TRIO: variants seen among roughly 807,000 people sequenced by gnomAD.
TRIO encodes triple functional domain protein.
Under a neutral mutation model 351.9 loss-of-function variants are expected in TRIO, and 58 were observed. That is an observed-to-expected ratio of 0.16 (90% confidence interval 0.13 to 0.21). The LOEUF (loss-of-function observed/expected upper bound fraction) is 0.21, where lower values mean the gene tolerates loss of function less well. Among genes scored for constraint, TRIO ranks in the 10% least tolerant of loss-of-function variants. The pLI, the probability that TRIO is intolerant of heterozygous loss-of-function variation, is 1.00. For synonymous variants in TRIO, 1,758 were observed against 1,595.7 expected (o/e 1.10, Z -2.42); for missense variants, 3,201 against 4,027.8 (o/e 0.79, Z 5.56).
At chr5:14,284,340 T>C (rs1487672830) in intron 3 of TRIO, among the ~76,000 whole-genome samples, 1 of 152,188 alleles carries the variant, frequency 6.6e-6, no homozygotes, top group African/African-American at 2.4e-5. Context: ...GGCAGCTGTT[T>C]ATTAGGTGCT....
rs151049431 is a variant in TRIO at position 14,387,772 on chromosome 5, C to G, written c.3806C>G (p.Pro1269Arg). Residue 1269 changes from proline (P) to arginine (R), a missense_variant, in exon 23 of 57, where the codon CCT becomes CGT. Physicochemically the swap from Pro to Arg is moderately radical, Grantham distance 103. Transcript: ENST00000344204. ...CTAGATATCATTCCAGCCAGTATCC[C>G]TGGCTCAGAGGTGAAACTTCGAGAT... is the stretch of plus-strand genomic sequence containing the variant. ...LQLDIIPASI[P>R]GSEVKLRDAA... 1 of 1,614,116 alleles carries G rather than the reference C, an allele frequency of 6.2e-7. No individual in the cohort carries two copies. The highest frequency in any genetic ancestry group is 1.3e-5 in the African/African-American group (1 of 74,944).
intron 1 of TRIO, among the ~76,000 whole-genome samples, chr5:14,266,342 C>T (rs1264899447): frequency 1.3e-5 from 2 of 152,110 alleles, no homozygotes; most frequent in East Asian, 1.9e-4. Context: ...TCTTTCTACC[C>T]AGCCAACCCA....
At chr5:14,237,280 G>A (rs1253546606) in intron 1 of TRIO, among the ~76,000 whole-genome samples, 4 of 152,106 alleles carry the variant, frequency 2.6e-5, no homozygotes, top group Non-Finnish European at 4.4e-5. Context: ...GTGTCCTGTC[G>A]GCACTCAAAA....
Position 14,435,033 on chromosome 5 carries a change from G to T in TRIO, c.5203+15012G>T, listed in dbSNP as rs566588356. On this transcript the variant is annotated intron_variant, in intron 34 of 56. Transcript: ENST00000344204. ...TCCGTGCATCACGTCAGGGGTACAGGGTATCCTGAGACGTCTCCCTGTCGG... is the reference window on the plus strand; with the variant it reads ...TCCGTGCATCACGTCAGGGGTACAGTGTATCCTGAGACGTCTCCCTGTCGG... Among the ~76,000 whole-genome samples the T allele has an allele frequency of 2.0e-5, 3 of 152,332 alleles. No homozygotes were observed. In the East Asian group the frequency reaches 5.8e-4, roughly 29 times the overall value.
intron 34 of TRIO, among the ~76,000 whole-genome samples, chr5:14,459,035 A>G (rs10069329): frequency 1.3e-5 from 2 of 152,234 alleles, no homozygotes; most frequent in African/African-American, 4.8e-5. Context: ...ATCATTCTTT[A>G]ACAGATATCA....
At chr5:14,282,299 T>A (rs1307044372) in intron 3 of TRIO, among the ~76,000 whole-genome samples, 1 of 152,126 alleles carries the variant, frequency 6.6e-6, no homozygotes, top group Non-Finnish European at 1.5e-5. Flanking sequence ...GTGCCAAGTC[T>A]GTGATAATGA....
At position 14,387,642 on chromosome 5, in the gene TRIO, C is replaced by T; in HGVS notation, c.3765+10C>T. 1.9e-6 allele frequency: 3 copies of T among 1,608,574 alleles called. No homozygotes were observed. Among genetic ancestry groups the T allele is most frequent in the East Asian group, 2.2e-5 (1 of 44,732 alleles). On this transcript the variant is annotated intron_variant, in intron 22 of 56. Transcript: ENST00000344204. ...AGATTCCAACAAATCGGTAAATGGC[C>T]TTGTGCAAACTGAATAAATTATGGT...
In TRIO at chr5:14,258,412, C is replaced by T. The variant is rs116952877; in HGVS notation, c.158-12413C>T. On this transcript the variant is annotated intron_variant, in intron 1 of 56. Coordinates refer to ENST00000344204, the MANE Select transcript of TRIO (RefSeq NM_007118.4). The stretch of plus-strand genomic sequence containing the variant: ...CACACACCTTATTTAAATGTCCTTA[C>T]TGCACTGCCGTTTTTATTACTATAC... 1.8e-4 allele frequency among the ~76,000 whole-genome samples: 28 copies of T among 152,330 alleles called. No individual in the cohort carries two copies. The East Asian group carries it at 3.9e-3, about 21-fold the overall frequency.
intron 1 of TRIO, among the ~76,000 whole-genome samples, chr5:14,233,050 T>TGCATCAACATGAAGGATCACTGG (rs1380201777): frequency 6.6e-6 from 1 of 152,120 alleles, no homozygotes; most frequent in Non-Finnish European, 1.5e-5. Flanking sequence ...TGAGTGATTG[T>TGCATCAACATGAAGGATCACTGG]GCATCAACAT....
chr5:14,219,846 G>GTT (rs879924359), intron 1 of TRIO, among the ~76,000 whole-genome samples: 5 of 145,872 alleles, frequency 3.4e-5, no homozygotes, highest in Admixed American at 6.9e-5. Context: ...GCGTCCAGCA[G>GTT]TTTTTTTTTT....
intron 18 of TRIO, 86 bp from the exon 19 acceptor site, chr5:14,374,143 C>A: frequency 1.1e-6 from 1 of 887,202 alleles, no homozygotes; most frequent in Non-Finnish European, 1.8e-6. Flanking sequence ...TAGGTAAAGA[C>A]ATACGTTAGA....
At chr5:14,240,100 T>C (rs1220744628) in intron 1 of TRIO, among the ~76,000 whole-genome samples, 1 of 152,252 alleles carries the variant, frequency 6.6e-6, no homozygotes, top group Non-Finnish European at 1.5e-5. Flanking sequence ...TCTGATTTTA[T>C]GTCTAGTCTG....
In TRIO at chr5:14,336,770, G is replaced by A. The variant is rs141959413; in HGVS notation, c.2046+43G>A. Reference sequence around the variant, plus strand: ...CAAAATATGATCTGTGCTTGAAAGGGTCTTTGAACTCTTTTGGAGGAACCT... The same window carrying A: ...CAAAATATGATCTGTGCTTGAAAGGATCTTTGAACTCTTTTGGAGGAACCT... On this transcript the variant is annotated intron_variant, in intron 11 of 56. Transcript: ENST00000344204. 1.9e-6 allele frequency: 3 copies of A among 1,603,412 alleles called. No homozygotes were observed. The Admixed American group carries it at 5.0e-5, about 27-fold the overall frequency.
chr5:14,252,216 C>T (rs192144477), intron 1 of TRIO, among the ~76,000 whole-genome samples: 7 of 152,322 alleles, frequency 4.6e-5, no homozygotes, highest in Non-Finnish European at 8.8e-5. Context: ...CTTTGCTTTA[C>T]GTGCCATGTC....
intron 35 of TRIO, among the ~76,000 whole-genome samples, chr5:14,461,997 G>A (rs1157183394): frequency 1.3e-5 from 2 of 152,200 alleles, no homozygotes; most frequent in South Asian, 2.1e-4. Flanking sequence ...CAGGATGCTG[G>A]AGATGGCCTT....
chr5:14,441,507 T>G (rs1253478432), intron 34 of TRIO: 1 of 152,740 alleles, frequency 6.5e-6, no homozygotes, highest in African/African-American at 2.4e-5. Context: ...GTGACCACCT[T>G]GGGAGGGGGC....
chr5:14,260,003 A>G lies in TRIO; in HGVS notation c.158-10822A>G, dbSNP rs563148241. ...TGTCAAAGCAAAGTAGATTAACTGA[A>G]GTAACTTAGGCAAGGCAGTTTATAT... On this transcript the variant is annotated intron_variant, in intron 1 of 56. Coordinates refer to ENST00000344204, the MANE Select transcript of TRIO (RefSeq NM_007118.4). 7.9e-5 allele frequency among the ~76,000 whole-genome samples: 12 copies of G among 152,352 alleles called. No homozygotes were observed. In the South Asian group the frequency reaches 2.5e-3, roughly 32 times the overall value.
At chr5:14,163,411 G>A (rs538666769) in intron 1 of TRIO, among the ~76,000 whole-genome samples, 5 of 152,178 alleles carry the variant, frequency 3.3e-5, no homozygotes, top group Admixed American at 1.3e-4. Flanking sequence ...TAGTAGAGAC[G>A]GGGTTTCACC....
intron 6 of TRIO, 98 bp downstream of exon 6, chr5:14,293,232 C>T (rs377712754): frequency 4.2e-5 from 65 of 1,534,782 alleles, no homozygotes; most frequent in Middle Eastern, 3.9e-4. Flanking sequence ...AAGGGGCCTT[C>T]GGAGTGGCTG....
Sources: allele counts gnomAD v4.1 joint callset (sites outside exome capture counted in the v4.1 genomes callset), GRCh38; gene constraint gnomAD v4.1.1; transcripts MANE v1.5; gene names NCBI Gene and HGNC (gene_info 2026-07-23, HGNC 2026-07-21).